The following PDE4B variants were observed in gnomAD, a reference collection of about 807,000 sequenced individuals.
PDE4B encodes 3',5'-cyclic-AMP phosphodiesterase 4B.
Under a neutral mutation model 82.2 loss-of-function variants are expected in PDE4B, and 20 were observed. That is an observed-to-expected ratio of 0.24 (90% confidence interval 0.17 to 0.35). The LOEUF is 0.35. PDE4B is among the 10% of genes least tolerant of loss of function. The pLI, the probability that PDE4B is intolerant of heterozygous loss-of-function variation, is 1.00. For synonymous variants in PDE4B, 320 were observed against 318.9 expected (o/e 1.00, Z -0.04); for missense variants, 655 against 907.2 (o/e 0.72, Z 3.57).
intron 7 of PDE4B, among the ~76,000 whole-genome samples, chr1:66,282,354 G>C (rs944297233): frequency 2.6e-5 from 4 of 152,188 alleles, no homozygotes; most frequent in African/African-American, 9.7e-5. Context: ...GGGAAAAGAG[G>C]CAGGGGAGAA....
At chr1:66,319,726 A>G (rs1365888100) in intron 7 of PDE4B, among the ~76,000 whole-genome samples, 1 of 152,204 alleles carries the variant, frequency 6.6e-6, no homozygotes, top group Non-Finnish European at 1.5e-5. Flanking sequence ...TAAAGACAAT[A>G]ATACCTCTCT....
intron 4 of PDE4B, among the ~76,000 whole-genome samples, chr1:66,253,019 G>A (rs1309325861): frequency 6.6e-6 from 1 of 152,166 alleles, no homozygotes; most frequent in African/African-American, 2.4e-5. Context: ...GATACCTACT[G>A]GTATTGATAA....
intron 7 of PDE4B, among the ~76,000 whole-genome samples, chr1:66,270,483 T>C (rs888447805): frequency 6.6e-6 from 1 of 152,222 alleles, no homozygotes; most frequent in African/African-American, 2.4e-5. Context: ...CAGAAAGTCA[T>C]GACATTGATT....
intron 14 of PDE4B, 24 bp downstream of exon 14, chr1:66,367,874 T>C: frequency 6.2e-7 from 1 of 1,612,880 alleles, no homozygotes; most frequent in Non-Finnish European, 8.5e-7. Context: ...CTCTCTACAT[T>C]CCTCACTTAC....
intron 7 of PDE4B, chr1:66,332,291 G>C: frequency 6.6e-7 from 1 of 1,524,864 alleles, no homozygotes; most frequent in Non-Finnish European, 8.8e-7. Context: ...CAGGCGGGGG[G>C]TTGGGGGGAA....
intron 3 of PDE4B, among the ~76,000 whole-genome samples, chr1:66,208,443 C>G (rs962725838): frequency 1.3e-5 from 2 of 152,168 alleles, no homozygotes; most frequent in African/African-American, 4.8e-5. Flanking sequence ...TAGAGAGGTA[C>G]CCATGGAGGT....
At chr1:66,132,250 T>C (rs1413696137) in intron 3 of PDE4B, among the ~76,000 whole-genome samples, 1 of 152,192 alleles carries the variant, frequency 6.6e-6, no homozygotes, top group Non-Finnish European at 1.5e-5. Context: ...GAGGAGATAG[T>C]TGGAGAGCAC....
chr1:65,848,447 C>T (rs1398114088), intron 1 of PDE4B, among the ~76,000 whole-genome samples: 1 of 79,862 alleles, frequency 1.3e-5, no homozygotes, highest in Non-Finnish European at 2.5e-5. Context: ...CCTGGCCCAG[C>T]TTGATAAATT....
intron 4 of PDE4B, among the ~76,000 whole-genome samples, chr1:66,253,417 A>G (rs1653940557): frequency 6.6e-6 from 1 of 152,262 alleles, no homozygotes; most frequent in African/African-American, 2.4e-5. Context: ...GAGCAGACCT[A>G]CATACACTCA....
intron 3 of PDE4B, among the ~76,000 whole-genome samples, chr1:66,048,660 C>T (rs1313013933): frequency 3.3e-5 from 5 of 151,882 alleles, no homozygotes; most frequent in Admixed American, 3.3e-4. Flanking sequence ...TTGACTTTCT[C>T]AAGGGCACAT....
intron 3 of PDE4B, among the ~76,000 whole-genome samples, chr1:65,979,812 A>G (rs1650593059): frequency 6.6e-6 from 1 of 152,184 alleles, no homozygotes; most frequent in Admixed American, 6.5e-5. Context: ...TACTGAGGTA[A>G]ATGAAACACC....
intron 3 of PDE4B, among the ~76,000 whole-genome samples, chr1:66,096,260 C>T (rs1400396515): frequency 1.3e-5 from 2 of 151,610 alleles, no homozygotes; most frequent in Non-Finnish European, 3.0e-5. Flanking sequence ...TGAGTGAGAA[C>T]ATGCAGTTTT....
intron 6 of PDE4B, among the ~76,000 whole-genome samples, chr1:66,258,721 CAGTGTTCACTACAGAGTATCCTA>C (rs1654452696): frequency 6.6e-6 from 1 of 152,156 alleles, no homozygotes; most frequent in South Asian, 2.1e-4. Flanking sequence ...ATTTTTCAGC[CAGTGTTCACTACAGAGTATCCTA>C]TATCTCCAGT....
At chr1:65,977,685 A>G (rs1650481027) in intron 3 of PDE4B, among the ~76,000 whole-genome samples, 1 of 152,234 alleles carries the variant, frequency 6.6e-6, no homozygotes, top group Non-Finnish European at 1.5e-5. Context: ...CTGTTGTTAC[A>G]TATTCTAATC....
At chr1:65,977,344 A>T (rs1650460682) in intron 3 of PDE4B, among the ~76,000 whole-genome samples, 1 of 152,226 alleles carries the variant, frequency 6.6e-6, no homozygotes, top group Non-Finnish European at 1.5e-5. Context: ...CCAATCATGG[A>T]GCCACATTTG....
intron 3 of PDE4B, among the ~76,000 whole-genome samples, chr1:66,051,515 T>C (rs1221690893): frequency 1.3e-5 from 2 of 152,200 alleles, no homozygotes; most frequent in Non-Finnish European, 2.9e-5. Context: ...AAGATTTCTT[T>C]TCCTTTATTC....
rs571165910 is a variant in PDE4B, at chr1:65,855,768, T to A, written c.-70-57477T>A. On this transcript the variant is annotated intron_variant, in intron 1 of 16. Coordinates refer to ENST00000341517, the MANE Select transcript of PDE4B (RefSeq NM_002600.4). ...CCTCTGGAGTCTGCTTGAAATCTGA[T>A]CTTTGCGTCCTTGATTTGGTGAGGA... 2.6e-4 allele frequency among the ~76,000 whole-genome samples: 40 copies of A among 152,218 alleles called. 1 individual carries two copies. In the South Asian group the frequency reaches 7.7e-3, roughly 29 times the overall value.
chr1:66,224,086 C>T (rs912134823), intron 3 of PDE4B, among the ~76,000 whole-genome samples: 41 of 152,298 alleles, frequency 2.7e-4, no homozygotes, highest in African/African-American at 9.1e-4. Context: ...ACTCAACTGT[C>T]TCCAAAATCT....
chr1:66,203,517 C>T (rs1649223095), intron 3 of PDE4B, among the ~76,000 whole-genome samples: 1 of 152,168 alleles, frequency 6.6e-6, no homozygotes, highest in Non-Finnish European at 1.5e-5. Flanking sequence ...TTCACATAGT[C>T]CCATATGTCT....
Sources: gnomAD v4.1 joint callset for allele counts (sites outside exome capture counted in the v4.1 genomes callset) on GRCh38, gnomAD v4.1.1 for gene constraint, MANE v1.5 for transcripts, NCBI Gene and HGNC (gene_info 2026-07-23, HGNC 2026-07-21) for gene names.